TRIP12: variants seen among roughly 807,000 people sequenced by gnomAD.
The protein encoded by TRIP12 is E3 ubiquitin-protein ligase TRIP12.
A neutral mutation model predicts 244.2 loss-of-function variants in TRIP12; 25 were observed. That is an observed-to-expected ratio of 0.10 (90% CI 0.07 to 0.14). The LOEUF (loss-of-function observed/expected upper bound fraction) is 0.14, where lower values mean the gene tolerates loss of function less well. Among genes scored for constraint, TRIP12 ranks in the 10% least tolerant of loss-of-function variants. The pLI, the probability that TRIP12 is intolerant of heterozygous loss-of-function variation, is 1.00. For synonymous variants in TRIP12, 905 were observed against 873.1 expected, an observed-to-expected ratio of 1.04 and a Z score of -0.64; for missense variants, 1,677 against 2,486.4, an observed-to-expected ratio of 0.67 and a Z score of 6.92.
At chr2:229,912,181 T>TGG (rs2074412350) in intron 1 of TRIP12, among the ~76,000 whole-genome samples, 1 of 152,208 alleles carries the variant, frequency 6.6e-6, no homozygotes, top group Non-Finnish European at 1.5e-5. Flanking sequence ...TTATTTAACA[T>TGG]TTTAAACAAC....
At chr2:229,826,710 T>C (rs1050107372) in intron 8 of TRIP12, among the ~76,000 whole-genome samples, 3 of 152,202 alleles carry the variant, frequency 2.0e-5, no homozygotes, top group Admixed American at 6.5e-5. Context: ...CTGTACAGCA[T>C]GTTACTTTAC....
At chr2:229,867,807 T>C (rs1428549359) in intron 2 of TRIP12, among the ~76,000 whole-genome samples, 1 of 152,222 alleles carries the variant, frequency 6.6e-6, no homozygotes, top group African/African-American at 2.4e-5. Context: ...GCTTATGATG[T>C]GACTTTGACT....
chr2:229,852,380 G>C (rs1167911421), intron 4 of TRIP12, among the ~76,000 whole-genome samples: 2 of 151,484 alleles, frequency 1.3e-5, no homozygotes, highest in African/African-American at 2.4e-5. Flanking sequence ...TTTTAAATTA[G>C]CTTTTATAAG....
chr2:229,819,040 CCACACACACACACACA>C lies in TRIP12; in HGVS notation c.1451-544_1451-529del, dbSNP rs370625320. ...AAAGAATATTCTGTAAAAATAAAAA[CCACACACACACACACA>C]CACACACACACACACACACACACAC... On this transcript the variant is annotated intron_variant, in intron 8 of 41. Coordinates refer to ENST00000675903, the MANE Select transcript of TRIP12 (RefSeq NM_001348323.3). 8.9e-4 allele frequency among the ~76,000 whole-genome samples: 119 copies of C among 134,048 alleles called. No homozygotes were observed. In the East Asian group the frequency reaches 0.011, roughly 13 times the overall value. 87.9% of individuals were successfully genotyped at this position (134,048 alleles called of 152,430 possible).
intron 18 of TRIP12, among the ~76,000 whole-genome samples, chr2:229,804,590 C>G (rs4972916): frequency 0.53 from 80,597 of 152,044 alleles, 22,305 homozygotes; most frequent in African/African-American, 0.69. Flanking sequence ...AGAAATGCAC[C>G]ATATTTCACT....
At chr2:229,793,570 T>C (rs1417827021) in intron 26 of TRIP12, among the ~76,000 whole-genome samples, 1 of 152,254 alleles carries the variant, frequency 6.6e-6, no homozygotes, top group Non-Finnish European at 1.5e-5. Flanking sequence ...AGATTTCAGC[T>C]ACAATATTAC....
rs1420853587 is a variant in TRIP12 at position 229,828,766 on chromosome 2, C to CA, written c.1450+426dup. ...TGGACGACAGAGCAAGACTCCATCT[C>CA]AAAAAAAATATATATATATAAAAAG... On this transcript the variant is annotated intron_variant, in intron 8 of 41. Coordinates refer to ENST00000675903, the MANE Select transcript of TRIP12 (RefSeq NM_001348323.3). Among the ~76,000 whole-genome samples, 624 of 151,052 alleles carry CA rather than the reference C, an allele frequency of 4.1e-3. 6 individuals carry two copies. The highest frequency in any genetic ancestry group is 0.015 in the African/African-American group (608 of 40,896).
intron 16 of TRIP12, 114 bp downstream of exon 16, chr2:229,808,138 T>G: frequency 1.2e-6 from 1 of 827,832 alleles, no homozygotes; most frequent in Non-Finnish European, 1.9e-6. Context: ...AGGTAATTTT[T>G]TGTATTTTTA....
intron 1 of TRIP12, among the ~76,000 whole-genome samples, chr2:229,901,744 C>T (rs1429034459): frequency 1.3e-5 from 2 of 151,994 alleles, no homozygotes; most frequent in African/African-American, 2.4e-5. Flanking sequence ...CTACCAGGGT[C>T]GGCAGACAAA....
At chr2:229,907,387 A>G (rs897038232) in intron 1 of TRIP12, among the ~76,000 whole-genome samples, 1 of 152,244 alleles carries the variant, frequency 6.6e-6, no homozygotes, top group Non-Finnish European at 1.5e-5. Flanking sequence ...TGCAGAGTCC[A>G]TAACACTCGC....
At chr2:229,888,688 A>G (rs1370071689) in intron 1 of TRIP12, among the ~76,000 whole-genome samples, 1 of 152,208 alleles carries the variant, frequency 6.6e-6, no homozygotes, top group Non-Finnish European at 1.5e-5. Context: ...CTGTAGTCCC[A>G]GCTGCTCAGG....
chr2:229,789,518 C>A, intron 31 of TRIP12, 93 bp downstream of exon 31: 1 of 1,471,718 alleles, frequency 6.8e-7, no homozygotes, highest in Non-Finnish European at 9.2e-7. Context: ...AGGAGCCCTG[C>A]ATTTAGCTGA....
chr2:229,874,666 T>C (rs1014062724), intron 2 of TRIP12, among the ~76,000 whole-genome samples: 2 of 152,086 alleles, frequency 1.3e-5, no homozygotes, highest in Non-Finnish European at 2.9e-5. Flanking sequence ...TTGATCTCTG[T>C]GGAATTTTGA....
intron 26 of TRIP12, among the ~76,000 whole-genome samples, chr2:229,794,357 A>G (rs2042267643): frequency 6.6e-6 from 1 of 152,144 alleles, no homozygotes; most frequent in African/African-American, 2.4e-5. Flanking sequence ...ACTTGGGCCC[A>G]AGAGTTTGAG....
chr2:229,786,763 T>G (rs1199875444), intron 33 of TRIP12, among the ~76,000 whole-genome samples: 1 of 152,020 alleles, frequency 6.6e-6, no homozygotes, highest in African/African-American at 2.4e-5. Context: ...TGTTTTGTTT[T>G]GCTTTTCAGT....
intron 5 of TRIP12, among the ~76,000 whole-genome samples, chr2:229,837,207 T>C (rs1216764582): frequency 6.6e-6 from 1 of 152,242 alleles, no homozygotes; most frequent in Non-Finnish European, 1.5e-5. Context: ...TTTGTTACTG[T>C]GAGCTGTTGT....
chr2:229,859,964 G>A (rs908752934), intron 3 of TRIP12, among the ~76,000 whole-genome samples: 1 of 152,100 alleles, frequency 6.6e-6, no homozygotes, highest in Non-Finnish European at 1.5e-5. Context: ...ATTAACATAC[G>A]CACTTTCAAA....
chr2:229,866,893 A>G lies in TRIP12; in HGVS notation c.99-6362T>C, dbSNP rs568388920. On this transcript the variant is annotated intron_variant, in intron 2 of 41. Coordinates refer to ENST00000675903, the MANE Select transcript of TRIP12 (RefSeq NM_001348323.3). ...AGCTTTCCAGTCAAAAGCAGAATAC[A>G]GGCAAAGGCAGAGGCAGGAAATTTT... Among the ~76,000 whole-genome samples, 136 of 152,336 alleles carry G rather than the reference A, an allele frequency of 8.9e-4. 1 individual carries two copies. The highest frequency in any genetic ancestry group is 1.6e-3 in the Non-Finnish European group (107 of 68,034).
chr2:229,874,928 A>G (rs1389969165), intron 2 of TRIP12, among the ~76,000 whole-genome samples: 1 of 152,224 alleles, frequency 6.6e-6, no homozygotes, highest in East Asian at 1.9e-4. Flanking sequence ...AAAAACAAGA[A>G]AAAGCACACG....
Sources: allele counts gnomAD v4.1 joint callset (sites outside exome capture counted in the v4.1 genomes callset), GRCh38; gene constraint gnomAD v4.1.1; transcripts MANE v1.5; gene names NCBI Gene and HGNC (gene_info 2026-07-23, HGNC 2026-07-21).